The following CEP128 variants were observed in gnomAD, a reference collection of about 807,000 sequenced individuals.
CEP128 encodes the protein centrosomal protein 128kDa.
A neutral mutation model predicts 156.7 loss-of-function variants in CEP128; 132 were observed. The ratio of observed to expected loss-of-function variants is 0.84; its 90% CI spans 0.73 to 0.97. The LOEUF (loss-of-function observed/expected upper bound fraction) is 0.97. Ranked by LOEUF, CEP128 falls within the 50% of genes least tolerant of loss-of-function variation. The probability of loss-of-function intolerance (pLI) is 0.00; values close to 1 mark genes in which losing one functional copy is unlikely to be tolerated. For missense variants in CEP128, 1,252 were observed against 1,281.9 expected, an observed-to-expected ratio of 0.98 and a Z score of 0.36; for synonymous variants, 469 against 448.9, an observed-to-expected ratio of 1.04 and a Z score of -0.57.
At chr14:80,856,726 T>C (rs1887189934) in intron 9 of CEP128, among the ~76,000 whole-genome samples, 2 of 104,816 alleles carry the variant, frequency 1.9e-5, no homozygotes, top group Non-Finnish European at 4.0e-5. Flanking sequence ...TTTTCTTTTT[T>C]TTTTTTTTTT....
intron 9 of CEP128, among the ~76,000 whole-genome samples, chr14:80,860,482 A>G (rs1178213040): frequency 2.0e-5 from 3 of 152,152 alleles, no homozygotes; most frequent in African/African-American, 7.2e-5. Flanking sequence ...AATTTTGTGC[A>G]TTCTGCAAAG....
intron 19 of CEP128, among the ~76,000 whole-genome samples, chr14:80,630,121 T>G (rs1205448064): frequency 6.6e-6 from 1 of 151,988 alleles, no homozygotes; most frequent in Non-Finnish European, 1.5e-5. Flanking sequence ...GTTCTAGTAG[T>G]GGTCAATGTA....
intron 21 of CEP128, among the ~76,000 whole-genome samples, chr14:80,550,558 T>C (rs943370109): frequency 6.6e-5 from 10 of 151,974 alleles, no homozygotes; most frequent in African/African-American, 2.2e-4. Flanking sequence ...AAAAGACAGA[T>C]TTTTTCTTGT....
intron 19 of CEP128, among the ~76,000 whole-genome samples, chr14:80,737,512 A>C (rs745834713): frequency 6.6e-6 from 1 of 152,196 alleles, no homozygotes; most frequent in Admixed American, 6.5e-5. Flanking sequence ...CAATTTATCA[A>C]TTAAAATCAC....
In CEP128 at chr14:80,561,715, T is replaced by G. The variant is rs577470377; in HGVS notation, c.2857-2413A>C. Among the ~76,000 whole-genome samples, 156 of 152,200 alleles carry G rather than the reference T, an allele frequency of 1.0e-3. No homozygotes were observed. In the Middle Eastern group the frequency reaches 0.027, roughly 27 times the overall value. On this transcript the variant is annotated intron_variant, in intron 20 of 24. Coordinates refer to ENST00000555265, the MANE Select transcript of CEP128 (RefSeq NM_152446.5). ...CATATAATGTCAAAACAGAACAGAA[T>G]TAAACTGTCTGTCCTAATTCATATC... is the stretch of plus-strand genomic sequence containing the variant.
At chr14:80,525,826 T>A (rs190398039) in intron 23 of CEP128, among the ~76,000 whole-genome samples, 1 of 152,334 alleles carries the variant, frequency 6.6e-6, no homozygotes, top group African/African-American at 2.4e-5. Context: ...GTTATGGAAA[T>A]GAACACTGTC....
In CEP128 at chr14:80,785,319, T is replaced by C; in HGVS notation, c.1787A>G (p.Lys596Arg). ...CTGGCTTTGGATCTTACTCTGCTTT[T>C]TCAATTCGCTCTCCAGTCTATGGAT... ...DTIHRLESEL[K>R]KQSKIQSQMK... The change falls in exon 15 of 25, where the codon AAA becomes AGA. Residue 596 changes from lysine to arginine, a missense_variant. Lys to Arg is a conservative substitution (Grantham distance 26). Coordinates refer to ENST00000555265, the MANE Select transcript of CEP128 (RefSeq NM_152446.5). 6.2e-7 allele frequency: 1 copy of C among 1,614,202 alleles called. No homozygotes were observed. Among genetic ancestry groups the C allele is most frequent in the East Asian group, 2.2e-5 (1 of 44,886 alleles).
At chr14:80,560,977 A>G (rs1377478813) in intron 20 of CEP128, among the ~76,000 whole-genome samples, 2 of 152,234 alleles carry the variant, frequency 1.3e-5, no homozygotes, top group African/African-American at 2.4e-5. Context: ...AATGGCGCAC[A>G]GAATGACTCA....
Position 80,642,956 on chromosome 14 carries a change from G to A in CEP128, c.2807-62533C>T, listed in dbSNP as rs555901183. ...TTTTTAGTAGAAGCAGGGTTTCACC[G>A]TGTTAGCCAGGATGGTCTGGATCTC... On this transcript the variant is annotated intron_variant, in intron 19 of 24. Coordinates refer to ENST00000555265, the MANE Select transcript of CEP128 (RefSeq NM_152446.5). 2.6e-4 allele frequency among the ~76,000 whole-genome samples: 40 copies of A among 151,770 alleles called. No individual in the cohort carries two copies. In the South Asian group the frequency reaches 6.0e-3, roughly 23 times the overall value.
chr14:80,818,632 A>G (rs1027341396), intron 13 of CEP128, among the ~76,000 whole-genome samples: 2 of 152,214 alleles, frequency 1.3e-5, no homozygotes, highest in African/African-American at 4.8e-5. Context: ...ATGTGTAGTA[A>G]AATGTATGAA....
chr14:80,558,681 C>G (rs1890544692), intron 21 of CEP128, among the ~76,000 whole-genome samples: 1 of 152,152 alleles, frequency 6.6e-6, no homozygotes, highest in African/African-American at 2.4e-5. Context: ...CCTCGGCCTC[C>G]CAGAGTGCTG....
chr14:80,619,553 T>A (rs1306668031), intron 19 of CEP128, among the ~76,000 whole-genome samples: 1 of 150,040 alleles, frequency 6.7e-6, no homozygotes, highest in Admixed American at 6.7e-5. Context: ...TACAAAAAAA[T>A]TAGCCAGGTG....
chr14:80,827,475 C>T (rs1344560751), intron 13 of CEP128, among the ~76,000 whole-genome samples: 1 of 152,100 alleles, frequency 6.6e-6, no homozygotes, highest in African/African-American at 2.4e-5. Context: ...AATCCGTGCA[C>T]AGCAACATAT....
intron 20 of CEP128, among the ~76,000 whole-genome samples, chr14:80,578,551 T>C (rs1287531131): frequency 2.0e-5 from 3 of 152,204 alleles, no homozygotes; most frequent in Non-Finnish European, 2.9e-5. Context: ...TTTATGATTT[T>C]CTATTACAGA....
chr14:80,647,036 TG>T (rs1894672761), intron 19 of CEP128, among the ~76,000 whole-genome samples: 1 of 44,262 alleles, frequency 2.3e-5, no homozygotes, highest in African/African-American at 8.0e-5. Flanking sequence ...TATGTGTGCA[TG>T]TATATATATA....
intron 19 of CEP128, among the ~76,000 whole-genome samples, chr14:80,646,916 A>G (rs1456062752): frequency 3.3e-5 from 5 of 149,832 alleles, no homozygotes; most frequent in African/African-American, 1.2e-4. Flanking sequence ...AATCTTTCAC[A>G]CTTTAAAAAA....
At chr14:80,729,082 T>G (rs1445568671) in intron 19 of CEP128, among the ~76,000 whole-genome samples, 10 of 65,414 alleles carry the variant, frequency 1.5e-4, no homozygotes, top group African/African-American at 3.5e-4. Context: ...TGTGTGTGTG[T>G]GTGTGTGTGT....
At chr14:80,921,052 T>C (rs1464076668) in intron 2 of CEP128, among the ~76,000 whole-genome samples, 1 of 152,202 alleles carries the variant, frequency 6.6e-6, no homozygotes, top group Non-Finnish European at 1.5e-5. Flanking sequence ...GGTACATCTA[T>C]ACAATGAACA....
chr14:80,559,679 A>C (rs1471176760), intron 20 of CEP128, among the ~76,000 whole-genome samples: 7 of 152,254 alleles, frequency 4.6e-5, no homozygotes, highest in African/African-American at 1.4e-4. Context: ...AATTAAGCAC[A>C]TATTCTAGCT....
Sources: gnomAD v4.1 joint callset for allele counts (sites outside exome capture counted in the v4.1 genomes callset) on GRCh38, gnomAD v4.1.1 for gene constraint, MANE v1.5 for transcripts, NCBI Gene and HGNC (gene_info 2026-07-23, HGNC 2026-07-21) for gene names.